SNX24: variants seen among roughly 807,000 people sequenced by gnomAD.
SNX24 encodes the protein sorting nexin-24.
In SNX24, 22 loss-of-function variants were observed where a neutral mutation model predicts 28.7. That is an observed-to-expected ratio of 0.77 (90% CI 0.55 to 1.10). The LOEUF (loss-of-function observed/expected upper bound fraction) is 1.10. Among genes scored for constraint, SNX24 ranks in the 50% least tolerant of loss-of-function variants. The pLI, the probability that SNX24 is intolerant of heterozygous loss-of-function variation, is 0.00. For missense variants in SNX24, 221 were observed against 201.1 expected, an observed-to-expected ratio of 1.10 and a Z score of -0.60; for synonymous variants, 69 against 71.5, an observed-to-expected ratio of 0.96 and a Z score of 0.18.
At chr5:123,026,541 G>A (rs1316155983) in intron 5 of SNX24, among the ~76,000 whole-genome samples, 9 of 152,208 alleles carry the variant, frequency 5.9e-5, no homozygotes, top group Non-Finnish European at 1.3e-4. Flanking sequence ...AAATAGCAGA[G>A]CAGAATTTGA....
intron 1 of SNX24, among the ~76,000 whole-genome samples, chr5:122,854,515 CAA>C (rs55693230): frequency 2.5e-5 from 3 of 121,426 alleles, no homozygotes; most frequent in African/African-American, 3.3e-5. Context: ...CTCAAAAAAA[CAA>C]AAAAAAAAAA....
Position 123,000,317 on chromosome 5 carries a change from G to A in SNX24, c.344+311G>A, listed in dbSNP as rs189724570. ...TTATGAATCTAATTAACTTGTTATG[G>A]GCTCATTTATTAGTGGAAACTCGAA... On this transcript the variant is annotated intron_variant, in intron 4 of 6. Transcript: ENST00000261369. Among the ~76,000 whole-genome samples, 247 of 152,296 alleles carry A rather than the reference G, an allele frequency of 1.6e-3. 1 individual carries two copies. The highest frequency in any genetic ancestry group is 0.014 in the Middle Eastern group (4 of 294).
At chr5:122,909,848 C>T (rs757659628) in intron 1 of SNX24, among the ~76,000 whole-genome samples, 6 of 152,132 alleles carry the variant, frequency 3.9e-5, no homozygotes, top group Non-Finnish European at 7.3e-5. Context: ...CAAAGGAATG[C>T]GCCATTACTA....
intron 1 of SNX24, among the ~76,000 whole-genome samples, chr5:122,885,235 C>T (rs1472354779): frequency 6.6e-6 from 1 of 152,076 alleles, no homozygotes; most frequent in South Asian, 2.1e-4. Flanking sequence ...GATGTTGCTT[C>T]CTTCCTGCTT....
chr5:122,886,934 G>A (rs914117180), intron 1 of SNX24, among the ~76,000 whole-genome samples: 1 of 151,972 alleles, frequency 6.6e-6, no homozygotes, highest in Non-Finnish European at 1.5e-5. Flanking sequence ...TGTTTTTATA[G>A]GGGATGTCTA....
At chr5:122,865,835 C>A (rs1347864619) in intron 1 of SNX24, among the ~76,000 whole-genome samples, 1 of 152,192 alleles carries the variant, frequency 6.6e-6, no homozygotes, top group Non-Finnish European at 1.5e-5. Flanking sequence ...TTCTACCTCA[C>A]ATGATACATC....
chr5:122,974,902 C>CTGGG (rs1761106978), intron 3 of SNX24, among the ~76,000 whole-genome samples: 1 of 152,198 alleles, frequency 6.6e-6, no homozygotes, highest in Non-Finnish European at 1.5e-5. Flanking sequence ...CTGCCAGCTG[C>CTGGG]TAATCATGTC....
intron 5 of SNX24, among the ~76,000 whole-genome samples, chr5:123,018,818 C>T (rs571853003): frequency 6.6e-6 from 1 of 152,150 alleles, no homozygotes; most frequent in East Asian, 1.9e-4. Flanking sequence ...TCTCAAGTAG[C>T]TGGGATTACA....
At chr5:122,948,627 T>G (rs1221378295) in intron 3 of SNX24, 1 of 152,242 alleles carries the variant, frequency 6.6e-6, no homozygotes, top group Non-Finnish European at 1.5e-5. Flanking sequence ...AAGGGGCAAC[T>G]AGTACATTCT....
chr5:122,894,491 G>A (rs1439363457), intron 1 of SNX24, among the ~76,000 whole-genome samples: 2 of 151,998 alleles, frequency 1.3e-5, no homozygotes, highest in Non-Finnish European at 2.9e-5. Context: ...CTCATTGGTA[G>A]TGGCACCATG....
chr5:122,971,497 A>G (rs533388618), intron 3 of SNX24, among the ~76,000 whole-genome samples: 1 of 152,288 alleles, frequency 6.6e-6, no homozygotes, highest in African/African-American at 2.4e-5. Context: ...ATCTCCTGAA[A>G]TCATACTTAA....
chr5:122,954,207 A>ATG (rs1260219655), intron 3 of SNX24, among the ~76,000 whole-genome samples: 7 of 151,772 alleles, frequency 4.6e-5, no homozygotes, highest in African/African-American at 1.7e-4. Flanking sequence ...CTATATATAT[A>ATG]TAGTTTTATA....
rs549259959 is a variant in SNX24, at chr5:122,987,427, TA to T, written c.250-12484del. ...CTGATTAGTTTGAGAACTACTGTTC[TA>T]GAGAAAAGTAACAAGATTTCTGGAC... On this transcript the variant is annotated intron_variant, in intron 3 of 6. Coordinates refer to ENST00000261369, the MANE Select transcript of SNX24 (RefSeq NM_014035.4). Among the ~76,000 whole-genome samples, 87 of 152,346 alleles carry T rather than the reference TA, an allele frequency of 5.7e-4. 1 individual carries two copies. Among genetic ancestry groups the T allele is most frequent in the African/African-American group, 2.0e-3 (82 of 41,576 alleles).
At chr5:123,002,669 A>G (rs1167066935) in intron 6 of SNX24, among the ~76,000 whole-genome samples, 2 of 152,232 alleles carry the variant, frequency 1.3e-5, no homozygotes, top group Non-Finnish European at 2.9e-5. Flanking sequence ...GTGTATATAC[A>G]TTGCAGCATC....
intron 3 of SNX24, among the ~76,000 whole-genome samples, chr5:122,990,616 G>C (rs1353868632): frequency 6.6e-6 from 1 of 152,162 alleles, no homozygotes; most frequent in East Asian, 1.9e-4. Context: ...ACACATATGG[G>C]CTGTGCTAAT....
intron 1 of SNX24, among the ~76,000 whole-genome samples, chr5:122,926,922 C>T (rs1248910082): frequency 6.6e-6 from 1 of 152,184 alleles, no homozygotes. Flanking sequence ...AGTACCTTCT[C>T]TCCTGTAGAG....
chr5:122,965,014 A>G (rs1172433717), intron 3 of SNX24, among the ~76,000 whole-genome samples: 3 of 152,178 alleles, frequency 2.0e-5, no homozygotes, highest in East Asian at 1.9e-4. Context: ...TTTAATCTTC[A>G]TGTAGCATAT....
At chr5:123,009,644 A>G (rs1049455481), downstream of SNX24, among the ~76,000 whole-genome samples, 13 of 141,954 alleles carry the variant, frequency 9.2e-5, no homozygotes, top group African/African-American at 2.9e-4. Context: ...CAAGGATCAT[A>G]TCTATTTAAA....
intron 3 of SNX24, among the ~76,000 whole-genome samples, chr5:122,991,412 G>A (rs576591909): frequency 6.6e-6 from 1 of 152,264 alleles, no homozygotes; most frequent in South Asian, 2.1e-4. Context: ...TTGTCAAACA[G>A]GTTTTGAAAT....
Sources: gnomAD v4.1 joint callset for allele counts (sites outside exome capture counted in the v4.1 genomes callset) on GRCh38, gnomAD v4.1.1 for gene constraint, MANE v1.5 for transcripts, NCBI Gene and HGNC (gene_info 2026-07-23, HGNC 2026-07-21) for gene names.